Variants in CACNA1C observed in about 807,000 individuals in gnomAD.
The protein encoded by CACNA1C is calcium voltage-gated channel subunit alpha1 C, also known as voltage-dependent L-type calcium channel subunit alpha-1C.
A neutral mutation model predicts 229.0 loss-of-function variants in CACNA1C; 30 were observed. That is an observed-to-expected ratio of 0.13 (90% CI 0.10 to 0.18). The LOEUF (loss-of-function observed/expected upper bound fraction) is 0.18. Ranked by LOEUF, CACNA1C falls within the 10% of genes least tolerant of loss-of-function variation. The pLI, the probability that CACNA1C is intolerant of heterozygous loss-of-function variation, is 1.00. For synonymous variants in CACNA1C, 1,114 were observed against 1,132.5 expected (o/e 0.98, Z 0.33); for missense variants, 1,658 against 2,845.0 (o/e 0.58, Z 9.49).
chr12:2,557,311 A>T (rs2044945014), intron 11 of CACNA1C, among the ~76,000 whole-genome samples: 1 of 152,150 alleles, frequency 6.6e-6, no homozygotes, highest in African/African-American at 2.4e-5. Context: ...GACTGTCATG[A>T]CCTACTTCAT....
At chr12:2,251,179 G>T (rs577252803) in intron 3 of CACNA1C, among the ~76,000 whole-genome samples, 1 of 152,340 alleles carries the variant, frequency 6.6e-6, no homozygotes, top group Admixed American at 6.5e-5. Context: ...GGCTTCTGAA[G>T]AGCAGGGGAG....
At chr12:1,980,673 C>A (rs1489243389) in intron 1 of CACNA1C, among the ~76,000 whole-genome samples, 1 of 84,852 alleles carries the variant, frequency 1.2e-5, no homozygotes, top group African/African-American at 4.0e-5. Flanking sequence ...TTTGGTAATA[C>A]TACCTTTAAC....
chr12:2,565,013 G>A (rs2049589995), intron 11 of CACNA1C, among the ~76,000 whole-genome samples: 1 of 152,042 alleles, frequency 6.6e-6, no homozygotes, highest in South Asian at 2.1e-4. Context: ...TATTAACCAT[G>A]TCGTCTACTG....
intron 3 of CACNA1C, among the ~76,000 whole-genome samples, chr12:2,340,873 C>T (rs187327348): frequency 2.0e-5 from 3 of 151,902 alleles, no homozygotes; most frequent in East Asian, 1.9e-4. Context: ...AGGAGAATGG[C>T]GTGAAGCTGG....
intron 1 of CACNA1C, chr12:1,993,226 C>T: frequency 6.2e-7 from 1 of 1,613,978 alleles, no homozygotes; most frequent in Non-Finnish European, 8.5e-7. Flanking sequence ...GGCCAAACTT[C>T]AGAAGTAAAA....
rs149591701 is a variant in CACNA1C, at chr12:2,465,346, G to T, written c.757+7640G>T. On this transcript the variant is annotated intron_variant, in intron 5 of 46. Coordinates refer to ENST00000399655, the MANE Select transcript of CACNA1C (RefSeq NM_000719.7). ...CTTGCATAGTGTAGATGATGAAATG[G>T]ATTCAAGGGGAGAGTTTACCAGGGA... Among the ~76,000 whole-genome samples, 395 of 152,058 alleles carry T rather than the reference G, an allele frequency of 2.6e-3. 1 individual carries two copies. The highest frequency in any genetic ancestry group is 9.1e-3 in the African/African-American group (376 of 41,464).
At chr12:2,541,508 C>T (rs147193346) in intron 9 of CACNA1C, among the ~76,000 whole-genome samples, 1 of 152,186 alleles carries the variant, frequency 6.6e-6, no homozygotes, top group Non-Finnish European at 1.5e-5. Context: ...GTGACCTGGA[C>T]TCAGCCATTG....
chr12:2,239,812 G>A (rs748285078), intron 3 of CACNA1C, among the ~76,000 whole-genome samples: 5 of 152,186 alleles, frequency 3.3e-5, no homozygotes, highest in East Asian at 1.9e-4. Context: ...TGCAGCCAGC[G>A]AGCATCTGCG....
At chr12:2,413,356 G>C (rs1216978546) in intron 3 of CACNA1C, among the ~76,000 whole-genome samples, 1 of 152,186 alleles carries the variant, frequency 6.6e-6, no homozygotes. Context: ...ACAAATGAAA[G>C]CAATTTGATA....
At chr12:2,150,017 AG>A (rs1220762899) in intron 3 of CACNA1C, among the ~76,000 whole-genome samples, 1 of 152,308 alleles carries the variant, frequency 6.6e-6, no homozygotes, top group East Asian at 1.9e-4. Context: ...AGGCACTAAA[AG>A]GGGGTCAAGG....
In CACNA1C at chr12:2,285,120, A is replaced by G. The variant is rs2092423695; in HGVS notation, c.478-163856A>G. 6.6e-6 allele frequency among the ~76,000 whole-genome samples: 1 copy of G among 152,086 alleles called. No homozygotes were observed. The highest frequency in any genetic ancestry group is 2.1e-4 in the South Asian group (1 of 4,822). On this transcript the variant is annotated intron_variant, in intron 3 of 46. Coordinates refer to ENST00000399655, the MANE Select transcript of CACNA1C (RefSeq NM_000719.7). This position sits in a 1 kb window ranked among gnomAD's most constrained non-coding sequence, Gnocchi z 4.2. ...GTGCTGACGGCAGCCTGTCACTCAC[A>G]CCTTGCTCCCTCTGTAGAAACACTC...
At position 2,648,202 on chromosome 12, in the gene CACNA1C, C is replaced by A. The variant is rs2094541993; in HGVS notation, c.3913-273C>A. On this transcript the variant is annotated intron_variant, in intron 30 of 46. Transcript: ENST00000399655. ...CACAAAATCCCAAAGACCTCATCTGCTTATCTAATAATATTATGAATGTGA... is the reference window on the plus strand; with the variant it reads ...CACAAAATCCCAAAGACCTCATCTGATTATCTAATAATATTATGAATGTGA... Among the ~76,000 whole-genome samples, 4 of 152,108 alleles carry A rather than the reference C, an allele frequency of 2.6e-5. No individual in the cohort carries two copies. In the South Asian group the frequency reaches 8.3e-4, roughly 32 times the overall value.
Position 2,606,635 on chromosome 12 carries a change from A to G in CACNA1C, c.3181A>G (p.Ser1061Gly), listed in dbSNP as rs1325849140. The change falls in exon 25 of 47, where the codon AGT becomes GGT. Residue 1061 changes from serine to glycine, a missense_variant. Coordinates refer to ENST00000399655, the MANE Select transcript of CACNA1C (RefSeq NM_000719.7). The part of the protein sequence containing the change: ...FKGKLYTCSD[S>G]SKQTEAECKG... ...GGGAAAGCTGTACACCTGTTCAGAC[A>G]GTTCCAAGCAGACAGAGGCGGAATG... The G allele has an allele frequency of 3.1e-6, 5 of 1,609,196 alleles. No homozygotes were observed. Among genetic ancestry groups the G allele is most frequent in the Non-Finnish European group, 4.2e-6 (5 of 1,178,004 alleles).
chr12:2,642,100 A>T (rs563635807), intron 30 of CACNA1C, among the ~76,000 whole-genome samples: 4 of 152,300 alleles, frequency 2.6e-5, no homozygotes, highest in African/African-American at 9.6e-5. Context: ...AGTACCCTGC[A>T]GGTTTGACCC....
chr12:2,667,285 C>CCGTGGCCACTCCAT, intron 37 of CACNA1C, among the ~76,000 whole-genome samples: 1 of 127,482 alleles, frequency 7.8e-6, no homozygotes, highest in African/African-American at 3.7e-5. Flanking sequence ...GGCCACTCCA[C>CCGTGGCCACTCCAT]GCTCCTTTTC....
intron 18 of CACNA1C, among the ~76,000 whole-genome samples, chr12:2,592,469 T>C (rs910207262): frequency 2.0e-5 from 3 of 152,226 alleles, no homozygotes. Context: ...ATGTTGTTAC[T>C]TTCCCCTCTG....
At position 2,593,309 on chromosome 12, in the gene CACNA1C, A is replaced by C. The variant is rs2066356714; in HGVS notation, c.2627A>C (p.Glu876Ala). The change falls in exon 19 of 47, where the codon GAA becomes GCA. Residue 876 changes from glutamate (E) to alanine (A), a missense_variant. Around this residue, in one of 20 missense-constraint regions of CACNA1C, gnomAD observed 52 missense variants for 99.0 expected, o/e 0.53. Transcript: ENST00000399655. ...HLKEKAVPMP[E>A]ASAFFIFSSN... ...AAGGAAAAGGCAGTGCCCATGCCAGAAGCCAGCGCGTTTTTCATCTTCAGC... is the reference window on the plus strand; with the variant it reads ...AAGGAAAAGGCAGTGCCCATGCCAGCAGCCAGCGCGTTTTTCATCTTCAGC... 1 of 1,613,772 alleles carries C rather than the reference A, an allele frequency of 6.2e-7. No homozygotes were observed. Among genetic ancestry groups the C allele is most frequent in the Admixed American group, 1.7e-5 (1 of 60,000 alleles).
At chr12:2,416,916 C>G (rs1371639194) in intron 3 of CACNA1C, among the ~76,000 whole-genome samples, 2 of 152,234 alleles carry the variant, frequency 1.3e-5, no homozygotes, top group Non-Finnish European at 2.9e-5. Flanking sequence ...GCTCTTCTAG[C>G]TCCACATCCG....
chr12:2,069,997 G>A (rs78366483), intron 1 of CACNA1C, among the ~76,000 whole-genome samples: 4,758 of 152,152 alleles, frequency 0.031, 208 homozygotes, highest in African/African-American at 0.094. Context: ...TAGAGGCAGG[G>A]TCTCACTGTC....
Sources: allele counts gnomAD v4.1 joint callset (sites outside exome capture counted in the v4.1 genomes callset), GRCh38; gene constraint gnomAD v4.1.1; regional missense constraint gnomAD v4.1.1; non-coding constraint Gnocchi (gnomAD v3.1); transcripts MANE v1.5; gene names NCBI Gene and HGNC (gene_info 2026-07-23, HGNC 2026-07-21).